Variants in TMEM117 observed in about 807,000 individuals in gnomAD.
TMEM117 encodes transmembrane protein 117.
In TMEM117, 27 loss-of-function variants were observed where a neutral mutation model predicts 52.4. That is an observed-to-expected ratio of 0.51 (90% CI 0.38 to 0.71). The LOEUF (loss-of-function observed/expected upper bound fraction) is 0.71. Among genes scored for constraint, TMEM117 ranks in the 30% least tolerant of loss-of-function variants. TMEM117 has a pLI of 0.00. For missense variants in TMEM117, 556 were observed against 630.5 expected (o/e 0.88, Z 1.26); for synonymous variants, 215 against 206.3 (o/e 1.04, Z -0.36).
chr12:43,887,618 G>T (rs1048798719), intron 2 of TMEM117, among the ~76,000 whole-genome samples: 10 of 152,168 alleles, frequency 6.6e-5, no homozygotes, highest in African/African-American at 2.2e-4. Flanking sequence ...GCAGAAGACC[G>T]CCAGCACCCT....
At chr12:43,871,822 G>A (rs1943711052) in intron 2 of TMEM117, among the ~76,000 whole-genome samples, 4 of 152,202 alleles carry the variant, frequency 2.6e-5, no homozygotes, top group African/African-American at 9.6e-5. Flanking sequence ...TCACAGCACA[G>A]TACTAGGCCC....
At chr12:44,119,489 C>G (rs1204179533) in intron 3 of TMEM117, among the ~76,000 whole-genome samples, 3 of 152,194 alleles carry the variant, frequency 2.0e-5, no homozygotes, top group Non-Finnish European at 4.4e-5. Context: ...TGAGCCCCAG[C>G]TTTGATCATT....
chr12:44,029,537 G>A (rs1261997285), intron 3 of TMEM117, among the ~76,000 whole-genome samples: 1 of 152,140 alleles, frequency 6.6e-6, no homozygotes, highest in Non-Finnish European at 1.5e-5. Context: ...TTTCAGTGTT[G>A]GCTGCAATGG....
At chr12:44,221,104 A>C (rs1949782246) in intron 5 of TMEM117, among the ~76,000 whole-genome samples, 1 of 152,172 alleles carries the variant, frequency 6.6e-6, no homozygotes, top group Admixed American at 6.5e-5. Context: ...AAATCTGACA[A>C]ACATTACCTT....
chr12:44,134,098 A>G (rs1000429868), intron 3 of TMEM117, among the ~76,000 whole-genome samples: 1 of 152,198 alleles, frequency 6.6e-6, no homozygotes, highest in African/African-American at 2.4e-5. Context: ...GTGATGTCAA[A>G]TCTAGCTTTT....
At chr12:44,282,167 C>T (rs1000244224) in intron 5 of TMEM117, among the ~76,000 whole-genome samples, 3 of 152,124 alleles carry the variant, frequency 2.0e-5, no homozygotes, top group Non-Finnish European at 4.4e-5. Flanking sequence ...GATTCTGAGG[C>T]CTCCCTAGCC....
chr12:44,353,070 G>GT (rs1275830609), intron 6 of TMEM117, among the ~76,000 whole-genome samples: 1 of 152,086 alleles, frequency 6.6e-6, no homozygotes, highest in Non-Finnish European at 1.5e-5. Flanking sequence ...TTTTTCATGT[G>GT]TTTTTTGGCT....
chr12:43,993,253 T>G (rs2137755438), intron 3 of TMEM117, among the ~76,000 whole-genome samples: 2 of 152,346 alleles, frequency 1.3e-5, no homozygotes, highest in Admixed American at 1.3e-4. Context: ...TGTACATCTG[T>G]AAAATGGATG....
intron 6 of TMEM117, among the ~76,000 whole-genome samples, chr12:44,353,147 G>GT (rs1296712155): frequency 2.0e-5 from 3 of 152,114 alleles, no homozygotes; most frequent in South Asian, 4.2e-4. Context: ...GGGGTTGTCT[G>GT]TTTTTTTCTT....
intron 2 of TMEM117, among the ~76,000 whole-genome samples, chr12:43,933,521 A>G (rs540854173): frequency 2.6e-5 from 4 of 151,340 alleles, no homozygotes; most frequent in Admixed American, 2.6e-4. Context: ...ATTTTTAACA[A>G]TTGGGAACTA....
intron 3 of TMEM117, among the ~76,000 whole-genome samples, chr12:44,102,335 G>T (rs1298277284): frequency 6.6e-6 from 1 of 151,936 alleles, no homozygotes; most frequent in African/African-American, 2.4e-5. Flanking sequence ...GATCTAAAAA[G>T]ATATATTTTC....
chr12:44,286,221 T>G (rs1030177561), intron 5 of TMEM117, among the ~76,000 whole-genome samples: 6 of 151,666 alleles, frequency 4.0e-5, no homozygotes, highest in African/African-American at 1.2e-4. Flanking sequence ...CTGTGCAGCA[T>G]GAACATAAGG....
intron 3 of TMEM117, among the ~76,000 whole-genome samples, chr12:44,118,842 C>T (rs79904675): frequency 0.015 from 2,280 of 152,196 alleles, 38 homozygotes; most frequent in African/African-American, 0.051. Flanking sequence ...CCCTTTGTCA[C>T]GAGTAGGTTT....
chr12:43,974,327 T>C (rs1481723958), intron 3 of TMEM117, among the ~76,000 whole-genome samples: 5 of 152,168 alleles, frequency 3.3e-5, no homozygotes, highest in Non-Finnish European at 5.9e-5. Context: ...GGCTTTTAAG[T>C]ATTATAAAGG....
intron 2 of TMEM117, among the ~76,000 whole-genome samples, chr12:43,927,916 G>A (rs1944806319): frequency 6.6e-6 from 1 of 151,722 alleles, no homozygotes; most frequent in African/African-American, 2.4e-5. Flanking sequence ...TTTATATTAG[G>A]ACTTGATTCT....
At chr12:43,879,680 C>G (rs200256241) in intron 2 of TMEM117, among the ~76,000 whole-genome samples, 1 of 152,178 alleles carries the variant, frequency 6.6e-6, no homozygotes, top group Non-Finnish European at 1.5e-5. Context: ...CGTATTTCAT[C>G]AATGTACATT....
chr12:43,808,306 A>G, the TMEM117 span, among the ~76,000 whole-genome samples: 1 of 152,190 alleles, frequency 6.6e-6, no homozygotes, highest in East Asian at 1.9e-4. Flanking sequence ...AGCTGCATGC[A>G]GAGATTACAT....
At chr12:43,850,664 G>A (rs1943291386) in intron 2 of TMEM117, among the ~76,000 whole-genome samples, 1 of 152,106 alleles carries the variant, frequency 6.6e-6, no homozygotes, top group Non-Finnish European at 1.5e-5. Context: ...GCTCCTGCTT[G>A]TGACTACTTG....
chr12:44,111,683 G>T (rs905767105), intron 3 of TMEM117, among the ~76,000 whole-genome samples: 1 of 139,388 alleles, frequency 7.2e-6, no homozygotes, highest in African/African-American at 3.0e-5. Flanking sequence ...TGTATATTCT[G>T]TTGATTTGGG....
Sources: gnomAD v4.1 joint callset for allele counts (sites outside exome capture counted in the v4.1 genomes callset) on GRCh38, gnomAD v4.1.1 for gene constraint, MANE v1.5 for transcripts, NCBI Gene and HGNC (gene_info 2026-07-23, HGNC 2026-07-21) for gene names.